Variants in CTNNA3 observed in about 807,000 individuals in gnomAD.
CTNNA3 encodes catenin alpha 3, also known as catenin alpha-3.
Under a neutral mutation model 95.7 loss-of-function variants are expected in CTNNA3, and 76 were observed. The ratio of observed to expected loss-of-function variants is 0.79; its 90% CI spans 0.66 to 0.96. The LOEUF (loss-of-function observed/expected upper bound fraction) is 0.96. CTNNA3 is among the 40% of genes least tolerant of loss of function. The pLI, the probability that CTNNA3 is intolerant of heterozygous loss-of-function variation, is 0.00. For synonymous variants in CTNNA3, 431 were observed against 374.4 expected, an observed-to-expected ratio of 1.15 and a Z score of -1.74; for missense variants, 1,191 against 1,089.8, an observed-to-expected ratio of 1.09 and a Z score of -1.31.
intron 10 of CTNNA3, among the ~76,000 whole-genome samples, chr10:66,576,664 A>T (rs536204367): frequency 1.6e-4 from 24 of 152,136 alleles, no homozygotes; most frequent in South Asian, 6.2e-4. Context: ...ACATGATTTC[A>T]TTCTTTTTTA....
At chr10:67,561,610 T>C (rs1267478206) in intron 3 of CTNNA3, among the ~76,000 whole-genome samples, 1 of 146,156 alleles carries the variant, frequency 6.8e-6, no homozygotes, top group Non-Finnish European at 1.5e-5. Context: ...ATTCAAACGC[T>C]AGCAGAAAGC....
chr10:65,975,625 G>A (rs973196172), intron 16 of CTNNA3, among the ~76,000 whole-genome samples: 2 of 152,076 alleles, frequency 1.3e-5, no homozygotes, highest in Non-Finnish European at 2.9e-5. Flanking sequence ...TTGACAGGCA[G>A]CTGATCTTTA....
intron 11 of CTNNA3, among the ~76,000 whole-genome samples, chr10:66,460,346 T>C (rs2093520826): frequency 6.6e-6 from 1 of 152,192 alleles, no homozygotes; most frequent in East Asian, 1.9e-4. Flanking sequence ...AGCAAGACTT[T>C]TTTCACAAAT....
chr10:66,005,673 A>T (rs2078863958), intron 15 of CTNNA3, among the ~76,000 whole-genome samples: 1 of 152,142 alleles, frequency 6.6e-6, no homozygotes, highest in Non-Finnish European at 1.5e-5. Flanking sequence ...GTTACACATT[A>T]TATAAATACT....
At chr10:66,439,125 G>A (rs996488844) in intron 11 of CTNNA3, among the ~76,000 whole-genome samples, 11 of 152,048 alleles carry the variant, frequency 7.2e-5, no homozygotes, top group African/African-American at 2.7e-4. Context: ...GAAGACCGGA[G>A]CTGTTCCTAT....
chr10:67,188,552 T>C (rs895949461), intron 6 of CTNNA3, among the ~76,000 whole-genome samples: 3 of 152,184 alleles, frequency 2.0e-5, no homozygotes, highest in Non-Finnish European at 4.4e-5. Flanking sequence ...GGTAGAAATA[T>C]AAATTGATAC....
intron 10 of CTNNA3, among the ~76,000 whole-genome samples, chr10:66,579,017 G>A (rs941360245): frequency 6.7e-6 from 1 of 148,830 alleles, no homozygotes; most frequent in Non-Finnish European, 1.5e-5. Context: ...TTCAATTTCA[G>A]AACTGATTAT....
chr10:66,998,719 T>G (rs1851509843), intron 7 of CTNNA3, among the ~76,000 whole-genome samples: 1 of 152,076 alleles, frequency 6.6e-6, no homozygotes, highest in African/African-American at 2.4e-5. Flanking sequence ...AAAGTAAAAT[T>G]GAGATTAGAA....
chr10:66,128,429 G>C (rs561729476), intron 13 of CTNNA3, among the ~76,000 whole-genome samples: 1 of 151,944 alleles, frequency 6.6e-6, no homozygotes, highest in South Asian at 2.1e-4. Flanking sequence ...GATATACTGT[G>C]GTACATCCAG....
intron 1 of CTNNA3, among the ~76,000 whole-genome samples, chr10:67,728,183 G>A (rs867832021): frequency 1.3e-4 from 19 of 147,880 alleles, no homozygotes; most frequent in South Asian, 1.3e-3. Context: ...GCTGGGCCCA[G>A]TGGCTCACAC....
At chr10:66,898,729 T>TA (rs1845602997) in intron 7 of CTNNA3, among the ~76,000 whole-genome samples, 1 of 152,162 alleles carries the variant, frequency 6.6e-6, no homozygotes, top group Admixed American at 6.5e-5. Context: ...GATTTACATG[T>TA]AAAATCTGGC....
rs1211495016 is a variant in CTNNA3 at position 66,199,793 on chromosome 10, ATATATATATATATTTTTTT to A, written c.1884+80658_1884+80676del. Among the ~76,000 whole-genome samples the A allele has an allele frequency of 2.8e-3, 39 of 13,980 alleles. No homozygotes were observed. In the East Asian group the frequency reaches 0.085, roughly 31 times the overall value. 9.2% of individuals were successfully genotyped at this position (13,980 alleles called of 152,430 possible). A position where few individuals can be genotyped will look rare whatever the true frequency, so the allele number is the denominator to read the frequency against. ...TATATATATATATATATATATATATATATATATATATATTTTTTTTTTTTTTTTTTTTTTTTTTTTAGTA... is the reference window on the plus strand; with the variant it reads ...TATATATATATATATATATATATATATTTTTTTTTTTTTTTTTTTTTAGTA... On this transcript the variant is annotated intron_variant, in intron 13 of 17. Transcript: ENST00000433211.
chr10:67,342,749 C>T (rs941246365), intron 5 of CTNNA3, among the ~76,000 whole-genome samples: 2 of 152,062 alleles, frequency 1.3e-5, no homozygotes, highest in African/African-American at 4.8e-5. Context: ...GAGTTCACTG[C>T]AGGTGTGTGA....
chr10:66,695,930 T>C lies in CTNNA3; in HGVS notation c.1281+70334A>G, dbSNP rs549502267. ...AAAGAGACGTAAGGGGGGGGGGCAA[T>C]AAAAATGTATTTTTCTAACTAGTTT... On this transcript the variant is annotated intron_variant, in intron 9 of 17. Coordinates refer to ENST00000433211, the MANE Select transcript of CTNNA3 (RefSeq NM_013266.4). 3.4e-3 allele frequency among the ~76,000 whole-genome samples: 456 copies of C among 134,582 alleles called. 1 individual carries two copies. Among genetic ancestry groups the C allele is most frequent in the Admixed American group, 5.2e-3 (68 of 13,114 alleles). The allele number at this position is 134,582 out of a possible 152,430, so 88.3% of individuals were successfully genotyped here.
intron 11 of CTNNA3, among the ~76,000 whole-genome samples, chr10:66,494,011 G>A (rs1840019118): frequency 6.8e-6 from 1 of 146,262 alleles, no homozygotes; most frequent in South Asian, 2.2e-4. Flanking sequence ...GGGTTCAAAC[G>A]ATTCTCCTGC....
intron 13 of CTNNA3, among the ~76,000 whole-genome samples, chr10:66,110,883 G>A (rs1034603339): frequency 2.0e-5 from 3 of 152,056 alleles, no homozygotes; most frequent in African/African-American, 7.2e-5. Context: ...TAGGCTGTAT[G>A]GTATAACCCA....
chr10:67,377,034 T>A (rs999763287), intron 5 of CTNNA3, among the ~76,000 whole-genome samples: 1 of 152,208 alleles, frequency 6.6e-6, no homozygotes, highest in African/African-American at 2.4e-5. Flanking sequence ...GAAAAAGGCA[T>A]GTTTGCATTC....
chr10:66,178,420 T>TATATAC (rs2131849241), intron 13 of CTNNA3, among the ~76,000 whole-genome samples: 10 of 68,728 alleles, frequency 1.5e-4, no homozygotes, highest in Non-Finnish European at 2.1e-4. Flanking sequence ...TATATATATA[T>TATATAC]ATATATATAT....
intron 3 of CTNNA3, among the ~76,000 whole-genome samples, chr10:67,542,978 C>T (rs1022368629): frequency 8.6e-5 from 13 of 151,998 alleles, no homozygotes; most frequent in Non-Finnish European, 1.6e-4. Flanking sequence ...CCCAATCTTG[C>T]TTATAATGCT....
Sources: allele counts gnomAD v4.1 joint callset (sites outside exome capture counted in the v4.1 genomes callset), GRCh38; gene constraint gnomAD v4.1.1; transcripts MANE v1.5; gene names NCBI Gene and HGNC (gene_info 2026-07-23, HGNC 2026-07-21).